Variants in SDK1 observed in about 807,000 individuals in gnomAD.
SDK1 encodes protein sidekick-1.
A neutral mutation model predicts 245.5 loss-of-function variants in SDK1; 157 were observed. The ratio of observed to expected loss-of-function variants is 0.64; its 90% CI spans 0.56 to 0.73. The LOEUF (loss-of-function observed/expected upper bound fraction) is 0.73. Ranked by LOEUF, SDK1 falls within the 30% of genes least tolerant of loss-of-function variation. The pLI, the probability that SDK1 is intolerant of heterozygous loss-of-function variation, is 0.00. For synonymous variants in SDK1, 1,647 were observed against 1,278.5 expected (o/e 1.29, Z -6.15); for missense variants, 3,583 against 3,002.3 (o/e 1.19, Z -4.52).
chr7:3,373,491 A>G (rs1781278037), intron 1 of SDK1, among the ~76,000 whole-genome samples: 1 of 152,206 alleles, frequency 6.6e-6, no homozygotes, highest in South Asian at 2.1e-4. Context: ...TCCCTTAGTA[A>G]AAGGATTGAA....
At chr7:3,421,358 A>C (rs899521940) in intron 1 of SDK1, among the ~76,000 whole-genome samples, 2 of 152,042 alleles carry the variant, frequency 1.3e-5, no homozygotes, top group African/African-American at 4.8e-5. Flanking sequence ...TTACAGGTGC[A>C]AGCCACCGAG....
intron 1 of SDK1, among the ~76,000 whole-genome samples, chr7:3,473,382 AC>A (rs888368096): frequency 6.6e-6 from 1 of 152,258 alleles, no homozygotes; most frequent in African/African-American, 2.4e-5. Flanking sequence ...CTTGGCTTGT[AC>A]CTTTTAAAAT....
intron 1 of SDK1, among the ~76,000 whole-genome samples, chr7:3,407,545 A>T (rs184611569): frequency 8.4e-4 from 128 of 152,334 alleles, no homozygotes; most frequent in Non-Finnish European, 1.5e-3. Context: ...ACTTACATCC[A>T]GAAATATGTT....
intron 5 of SDK1, among the ~76,000 whole-genome samples, chr7:3,852,756 A>G (rs1238789623): frequency 6.7e-6 from 1 of 149,566 alleles, no homozygotes; most frequent in Non-Finnish European, 1.5e-5. Context: ...GTCTCAAAAA[A>G]AAAAAAAAAA....
At chr7:4,110,092 G>A (rs1467615436) in intron 22 of SDK1, among the ~76,000 whole-genome samples, 1 of 152,156 alleles carries the variant, frequency 6.6e-6, no homozygotes. Flanking sequence ...TAAGGGGACT[G>A]GGCCTGCCGA....
chr7:4,021,295 C>T (rs570914517), intron 17 of SDK1, among the ~76,000 whole-genome samples: 47 of 152,240 alleles, frequency 3.1e-4, no homozygotes, highest in African/African-American at 1.0e-3. Context: ...GGGTACTGGG[C>T]GTGCTTTGAA....
rs118173312 is a variant in SDK1, at chr7:3,496,506, T to A, written c.299-122574T>A. Among the ~76,000 whole-genome samples the A allele has an allele frequency of 6.9e-3, 1,053 of 152,294 alleles. 5 individuals are homozygous for A. Among genetic ancestry groups the A allele is most frequent in the Non-Finnish European group, 9.8e-3 (668 of 68,020 alleles). On this transcript the variant is annotated intron_variant, in intron 1 of 44. Coordinates refer to ENST00000404826, the MANE Select transcript of SDK1 (RefSeq NM_152744.4). ...GAAAGAAGTTGTATGTACTTTATCT[T>A]ATTTTGCTCCCTAATTATAAAATAC... is the stretch of plus-strand genomic sequence containing the variant.
At chr7:4,206,851 A>G (rs1351717693) in intron 36 of SDK1, among the ~76,000 whole-genome samples, 1 of 152,182 alleles carries the variant, frequency 6.6e-6, no homozygotes, top group African/African-American at 2.4e-5. Context: ...TATTGGACCG[A>G]TTAAATGTCC....
intron 1 of SDK1, among the ~76,000 whole-genome samples, chr7:3,410,336 G>C (rs1214584407): frequency 6.6e-6 from 1 of 152,008 alleles, no homozygotes; most frequent in Non-Finnish European, 1.5e-5. Flanking sequence ...AGGTGTTTAT[G>C]AAACACCTTA....
rs1456003946 is a variant in SDK1, at chr7:3,603,583, C to A, written c.299-15497C>A. Among the ~76,000 whole-genome samples, 3 of 152,176 alleles carry A rather than the reference C, an allele frequency of 2.0e-5. 1 individual carries two copies. Among genetic ancestry groups the A allele is most frequent in the African/African-American group, 7.2e-5 (3 of 41,520 alleles). Reference sequence around the variant, plus strand: ...CTTATCAGCTTGAGGAGATTTTGGGCTGAGACGATGGGGTTTTCTAGATAT... The same window carrying A: ...CTTATCAGCTTGAGGAGATTTTGGGATGAGACGATGGGGTTTTCTAGATAT... On this transcript the variant is annotated intron_variant, in intron 1 of 44. Transcript: ENST00000404826.
chr7:3,871,931 G>A (rs982730875), intron 5 of SDK1, among the ~76,000 whole-genome samples: 1 of 152,186 alleles, frequency 6.6e-6, no homozygotes, highest in African/African-American at 2.4e-5. Context: ...TCTGATGTTA[G>A]CTATATGTAT....
intron 38 of SDK1, among the ~76,000 whole-genome samples, chr7:4,216,505 AAAAGCGG>A (rs1784805355): frequency 6.6e-6 from 1 of 152,228 alleles, no homozygotes; most frequent in African/African-American, 2.4e-5. Flanking sequence ...GGGGAACCAC[AAAAGCGG>A]TAACTGGACC....
In SDK1 at chr7:3,779,471, AC is replaced by A. The variant is rs1396627840; in HGVS notation, c.714-41978del. On this transcript the variant is annotated intron_variant, in intron 4 of 44. Coordinates refer to ENST00000404826, the MANE Select transcript of SDK1 (RefSeq NM_152744.4). Reference sequence around the variant, plus strand: ...AACCTATTTTTTTTAAAAAAAAAAAACAAGGACAAATTTAACCAAATCTGAC... The same window carrying A: ...AACCTATTTTTTTTAAAAAAAAAAAAAAGGACAAATTTAACCAAATCTGAC... Among the ~76,000 whole-genome samples, 6 of 152,096 alleles carry A rather than the reference AC, an allele frequency of 3.9e-5. No homozygotes were observed. In the South Asian group the frequency reaches 1.2e-3, roughly 32 times the overall value.
rs935320913 is a variant in SDK1, at chr7:3,936,168, A to G, written c.848-14755A>G. 3.9e-5 allele frequency among the ~76,000 whole-genome samples: 6 copies of G among 152,222 alleles called. No individual in the cohort carries two copies. The East Asian group carries it at 7.7e-4, about 20-fold the overall frequency. On this transcript the variant is annotated intron_variant, in intron 5 of 44. Transcript: ENST00000404826. ...ACAAATACTTTGTGATTCCACTTCCATGAGTTATCTAGAATCAAGTTCACA... is the reference window on the plus strand; with the variant it reads ...ACAAATACTTTGTGATTCCACTTCCGTGAGTTATCTAGAATCAAGTTCACA...
chr7:3,504,931 CAT>C (rs765786137), intron 1 of SDK1, among the ~76,000 whole-genome samples: 41 of 152,062 alleles, frequency 2.7e-4, no homozygotes, highest in Non-Finnish European at 5.4e-4. Context: ...AAAATGAAAA[CAT>C]AAATCCCTGC....
rs75685264 is a variant in SDK1 at position 3,758,130 on chromosome 7, A to C, written c.714-63320A>C. ...TTCCACTCTGCAGGGAAGAGTATCA[A>C]AGAATTCGTGGGCATATGTTAAAAC... On this transcript the variant is annotated intron_variant, in intron 4 of 44. Transcript: ENST00000404826. 3.3e-4 allele frequency among the ~76,000 whole-genome samples: 51 copies of C among 152,296 alleles called. 1 individual carries two copies. The highest frequency in any genetic ancestry group is 1.1e-3 in the African/African-American group (47 of 41,572).
At chr7:3,585,139 C>T (rs924276220) in intron 1 of SDK1, among the ~76,000 whole-genome samples, 1 of 152,190 alleles carries the variant, frequency 6.6e-6, no homozygotes, top group African/African-American at 2.4e-5. Flanking sequence ...AGCATGTAAT[C>T]CTTGCCTCAG....
chr7:3,360,349 C>G lies in SDK1; in HGVS notation c.298+58465C>G, dbSNP rs540408062. On this transcript the variant is annotated intron_variant, in intron 1 of 44. Transcript: ENST00000404826. ...ATTTTAGGAACTACTGGGGCAGATT[C>G]TCATCAGACAGGTGCAAAGAATGGG... 1.1e-4 allele frequency among the ~76,000 whole-genome samples: 17 copies of G among 152,314 alleles called. No homozygotes were observed. The South Asian group carries it at 1.7e-3, about 15-fold the overall frequency.
intron 22 of SDK1, among the ~76,000 whole-genome samples, chr7:4,084,131 C>T (rs534447602): frequency 6.6e-6 from 1 of 152,282 alleles, no homozygotes; most frequent in South Asian, 2.1e-4. Context: ...TCTGCTCATC[C>T]CTCAGACTAT....
Sources: gnomAD v4.1 joint callset for allele counts (sites outside exome capture counted in the v4.1 genomes callset) on GRCh38, gnomAD v4.1.1 for gene constraint, MANE v1.5 for transcripts, NCBI Gene and HGNC (gene_info 2026-07-23, HGNC 2026-07-21) for gene names.